Variants in CDCA2 observed in about 807,000 individuals in gnomAD.
CDCA2 encodes cell division cycle associated 2.
In CDCA2, 44 loss-of-function variants were observed where a neutral mutation model predicts 67.0. That is an observed-to-expected ratio of 0.66 (90% CI 0.52 to 0.84). The LOEUF (loss-of-function observed/expected upper bound fraction) is 0.84, where lower values mean the gene tolerates loss of function less well. CDCA2 is among the 40% of genes least tolerant of loss of function. The pLI is 0.00. For synonymous variants in CDCA2, 447 were observed against 418.7 expected, an observed-to-expected ratio of 1.07 and a Z score of -0.82; for missense variants, 1,253 against 1,203.2, an observed-to-expected ratio of 1.04 and a Z score of -0.61.
At position 25,484,353 on chromosome 8, in the gene CDCA2, A is replaced by G. The variant is rs370073052; in HGVS notation, c.1365+143A>G. The G allele has an allele frequency of 1.6e-5, 19 of 1,201,692 alleles. No individual in the cohort carries two copies. In the African/African-American group the frequency reaches 2.1e-4, roughly 13 times the overall value. 74.4% of individuals were successfully genotyped at this position (1,201,692 alleles called of 1,614,324 possible). On this transcript the variant is annotated intron_variant, in intron 10 of 14. Coordinates refer to ENST00000330560, the MANE Select transcript of CDCA2 (RefSeq NM_152562.4). Reference sequence around the variant, plus strand: ...GTTTAAATTAATCTATTTTGTATGTAGGTTTTTATGAGTTTTTGCCCATTA... The same window carrying G: ...GTTTAAATTAATCTATTTTGTATGTGGGTTTTTATGAGTTTTTGCCCATTA...
intron 13 of CDCA2, among the ~76,000 whole-genome samples, chr8:25,492,562 ATATG>A (rs1335685177): frequency 6.6e-6 from 1 of 152,242 alleles, no homozygotes; most frequent in Non-Finnish European, 1.5e-5. Context: ...TTTAGAGTAA[ATATG>A]AAGGAAACAT....
intron 13 of CDCA2, among the ~76,000 whole-genome samples, chr8:25,497,509 A>AT (rs1804277241): frequency 3.2e-5 from 3 of 92,992 alleles, no homozygotes; most frequent in Non-Finnish European, 5.5e-5. Context: ...TAAAAAATAA[A>AT]AAAAAAAAAA....
At chr8:25,497,840 T>A (rs187826019) in intron 13 of CDCA2, among the ~76,000 whole-genome samples, 2 of 152,258 alleles carry the variant, frequency 1.3e-5, no homozygotes, top group African/African-American at 4.8e-5. Context: ...GGTTATACAA[T>A]TGTATTCAAA....
At chr8:25,466,970 A>G (rs1205736196) in intron 5 of CDCA2, among the ~76,000 whole-genome samples, 10 of 124,578 alleles carry the variant, frequency 8.0e-5, no homozygotes, top group African/African-American at 3.0e-4. Context: ...TGAACCTGGG[A>G]GGTGGAGGTT....
intron 8 of CDCA2, among the ~76,000 whole-genome samples, chr8:25,480,427 C>T (rs1217380859): frequency 6.6e-6 from 1 of 151,962 alleles, no homozygotes; most frequent in East Asian, 1.9e-4. Context: ...GTTATTGATT[C>T]ATTTTATATA....
intron 14 of CDCA2, among the ~76,000 whole-genome samples, chr8:25,504,681 C>G (rs1457762811): frequency 6.6e-6 from 1 of 152,184 alleles, no homozygotes; most frequent in African/African-American, 2.4e-5. Flanking sequence ...TACGCCCTGG[C>G]TCACACTCTT....
chr8:25,468,414 G>A lies in CDCA2; in HGVS notation c.735+1G>A. The A allele has an allele frequency of 6.2e-7, 1 of 1,608,138 alleles. No homozygotes were observed. ...TGAAACTTCTGTAGATCTTTCTGAG[G>A]TAATTCACTTACTTTACGCATAGGA... On this transcript the variant is annotated splice_donor_variant, in intron 6 of 14. Transcript: ENST00000330560. LOFTEE classifies it high-confidence loss of function.
intron 14 of CDCA2, among the ~76,000 whole-genome samples, chr8:25,504,022 TA>T (rs577458745): frequency 2.0e-4 from 29 of 146,884 alleles, no homozygotes; most frequent in Admixed American, 2.7e-4. Flanking sequence ...CCCCATCTCT[TA>T]AAAAAAAAAG....
intron 7 of CDCA2, among the ~76,000 whole-genome samples, chr8:25,472,436 A>C (rs1314082065): frequency 6.6e-6 from 1 of 151,700 alleles, no homozygotes; most frequent in African/African-American, 2.4e-5. Context: ...ATTTTTGTAG[A>C]GACGGAGTTT....
chr8:25,460,424 T>G lies in CDCA2; in HGVS notation c.102T>G (p.Thr34=). The G allele has an allele frequency of 1.2e-6, 2 of 1,614,172 alleles. No individual in the cohort carries two copies. Among genetic ancestry groups the G allele is most frequent in the Non-Finnish European group, 1.7e-6 (2 of 1,180,024 alleles). Residue 34 remains threonine (T), a synonymous_variant, in exon 3 of 15, where the codon ACT becomes ACG. Coordinates refer to ENST00000330560, the MANE Select transcript of CDCA2 (RefSeq NM_152562.4). ...TTTTGGGAACTGGGAAGATTGTGAC[T>G]CCTCAGAAGCATGCCGAATTACCTC... ...SFILGTGKIV[T]PQKHAELPPN...
At chr8:25,489,816 T>C (rs1803931986) in intron 13 of CDCA2, among the ~76,000 whole-genome samples, 1 of 152,220 alleles carries the variant, frequency 6.6e-6, no homozygotes, top group South Asian at 2.1e-4. Flanking sequence ...GGTAATTTCA[T>C]ACACAGCATG....
rs1363624280 is a variant in CDCA2 at position 25,486,286 on chromosome 8, G to C, written c.1444+449G>C. Among the ~76,000 whole-genome samples the C allele has an allele frequency of 6.6e-5, 10 of 152,298 alleles. No individual in the cohort carries two copies. In the East Asian group the frequency reaches 1.9e-3, roughly 29 times the overall value. ...ATGACAAAGCAACAGATTGCTCCCA[G>C]CTTTTCTGACAAACCAGGACTTAGC... On this transcript the variant is annotated intron_variant, in intron 11 of 14. Transcript: ENST00000330560.
chr8:25,499,293 AATTTT>A (rs1326469605), intron 13 of CDCA2, among the ~76,000 whole-genome samples: 2 of 128,872 alleles, frequency 1.6e-5, no homozygotes, highest in African/African-American at 5.7e-5. Flanking sequence ...CATGTCCATG[AATTTT>A]TTTTTTTTTT....
chr8:25,499,029 G>A (rs1804362125), intron 13 of CDCA2, among the ~76,000 whole-genome samples: 1 of 152,178 alleles, frequency 6.6e-6, no homozygotes, highest in Non-Finnish European at 1.5e-5. Flanking sequence ...GGGGTTAGGG[G>A]AGTATAGATG....
chr8:25,468,244 A>G lies in CDCA2; in HGVS notation c.566A>G (p.Gln189Arg), dbSNP rs2117486953. Reference sequence around the variant, plus strand: ...AGAAAGGAAGGTCTCAGCGCTTGCCAGCAGTCTGGGTTCCCTGCAGTGTTG... The same window carrying G: ...AGAAAGGAAGGTCTCAGCGCTTGCCGGCAGTCTGGGTTCCCTGCAGTGTTG... Reference protein sequence around the residue: ...LTRKEGLSACQQSGFPAVLSS... With the variant: ...LTRKEGLSACRQSGFPAVLSS... The change falls in exon 6 of 15, where the codon CAG becomes CGG. Residue 189 changes from glutamine to arginine, a missense_variant. By Grantham distance (43) the Gln-to-Arg change is conservative. Coordinates refer to ENST00000330560, the MANE Select transcript of CDCA2 (RefSeq NM_152562.4). 1.2e-6 allele frequency: 2 copies of G among 1,609,656 alleles called. No individual in the cohort carries two copies. The highest frequency in any genetic ancestry group is 2.2e-5 in the East Asian group (1 of 44,738).
chr8:25,500,865 G>A (rs1804446631), intron 13 of CDCA2, among the ~76,000 whole-genome samples: 2 of 152,214 alleles, frequency 1.3e-5, no homozygotes, highest in South Asian at 2.1e-4. Flanking sequence ...AGAGGAGAAT[G>A]AGGTACAGAA....
chr8:25,492,377 G>A (rs1009141840), intron 13 of CDCA2, among the ~76,000 whole-genome samples: 11 of 152,198 alleles, frequency 7.2e-5, no homozygotes, highest in African/African-American at 2.2e-4. Flanking sequence ...ATCGCTGGTT[G>A]TAGCTGTTCA....
At chr8:25,497,513 A>T (rs79376535) in intron 13 of CDCA2, among the ~76,000 whole-genome samples, 5 of 32,254 alleles carry the variant, frequency 1.6e-4, no homozygotes, top group African/African-American at 2.7e-4. Flanking sequence ...AAATAAAAAA[A>T]AAAAAAACTC....
At chr8:25,481,711 A>G (rs1803579384) in intron 8 of CDCA2, among the ~76,000 whole-genome samples, 1 of 152,148 alleles carries the variant, frequency 6.6e-6, no homozygotes, top group South Asian at 2.1e-4. Context: ...AAAAGAAAAC[A>G]TTTACAACTA....
Sources: allele counts gnomAD v4.1 joint callset (sites outside exome capture counted in the v4.1 genomes callset), GRCh38; gene constraint gnomAD v4.1.1; transcripts MANE v1.5; gene names NCBI Gene and HGNC (gene_info 2026-07-23, HGNC 2026-07-21).